ULK4: variants seen among roughly 807,000 people sequenced by gnomAD.
ULK4 encodes the protein inactive serine/threonine-protein kinase ULK4.
A neutral mutation model predicts 160.6 loss-of-function variants in ULK4; 133 were observed. The ratio of observed to expected loss-of-function variants is 0.83; its 90% CI spans 0.72 to 0.96. The LOEUF (loss-of-function observed/expected upper bound fraction) is 0.96, where lower values mean the gene tolerates loss of function less well. Among genes scored for constraint, ULK4 ranks in the 40% least tolerant of loss-of-function variants. The probability of loss-of-function intolerance (pLI) is 0.00; values close to 1 mark genes in which losing one functional copy is unlikely to be tolerated. For missense variants in ULK4, 1,580 were observed against 1,499.5 expected, an observed-to-expected ratio of 1.05 and a Z score of -0.89; for synonymous variants, 534 against 539.8, an observed-to-expected ratio of 0.99 and a Z score of 0.15.
At chr3:41,735,937 C>T (rs1217640116) in intron 22 of ULK4, among the ~76,000 whole-genome samples, 13 of 145,216 alleles carry the variant, frequency 9.0e-5, no homozygotes, top group East Asian at 4.1e-4. Context: ...TGAGAATATG[C>T]GGTGTTTGGT....
intron 32 of ULK4, among the ~76,000 whole-genome samples, chr3:41,547,304 G>C (rs1317443626): frequency 1.3e-5 from 2 of 152,208 alleles, no homozygotes; most frequent in African/African-American, 4.8e-5. Flanking sequence ...GACCAAAACA[G>C]TAAGGAGATA....
rs67078043 is a variant in ULK4 at position 41,721,279 on chromosome 3, T to TTTTTTTTTTTTTTTTTTTTTTG, written c.2322-3419_2322-3418insCAAAAAAAAAAAAAAAAAAAAA. ...AATTTTTTTTTTTTTTTTTTTTTTT[T>TTTTTTTTTTTTTTTTTTTTTTG]TTTTTGGGTTTTGAACCATGAGTAT... is the stretch of plus-strand genomic sequence containing the variant. On this transcript the variant is annotated intron_variant, in intron 22 of 36. Coordinates refer to ENST00000301831, the MANE Select transcript of ULK4 (RefSeq NM_017886.4). Among the ~76,000 whole-genome samples, 4 of 98,922 alleles carry TTTTTTTTTTTTTTTTTTTTTTG rather than the reference T, an allele frequency of 4.0e-5. 1 individual carries two copies. The highest frequency in any genetic ancestry group is 1.7e-4 in the African/African-American group (4 of 22,876). The allele number at this position is 98,922 out of a possible 152,430, so 64.9% of individuals were successfully genotyped here. A position where few individuals can be genotyped will look rare whatever the true frequency, so the allele number is the denominator to read the frequency against.
intron 32 of ULK4, among the ~76,000 whole-genome samples, chr3:41,520,599 T>C (rs944067794): frequency 9.8e-5 from 15 of 152,334 alleles, no homozygotes; most frequent in Middle Eastern, 3.4e-3. Flanking sequence ...CTCAATCATA[T>C]GTAATTCCTT....
intron 35 of ULK4, among the ~76,000 whole-genome samples, chr3:41,293,467 C>A (rs1187940739): frequency 1.3e-5 from 2 of 152,126 alleles, no homozygotes; most frequent in African/African-American, 2.4e-5. Flanking sequence ...CATGATACAA[C>A]CTCACTCTCA....
At chr3:41,344,279 A>C (rs1306075850) in intron 35 of ULK4, among the ~76,000 whole-genome samples, 1 of 152,260 alleles carries the variant, frequency 6.6e-6, no homozygotes, top group East Asian at 1.9e-4. Context: ...CTACATATAC[A>C]GAAAATTAAA....
intron 32 of ULK4, among the ~76,000 whole-genome samples, chr3:41,498,253 TA>T (rs1442158677): frequency 7.9e-5 from 12 of 152,194 alleles, no homozygotes; most frequent in Non-Finnish European, 1.5e-5. Context: ...ATAAAGTATC[TA>T]GAAAATCCTC....
intron 31 of ULK4, among the ~76,000 whole-genome samples, chr3:41,600,040 T>C (rs1049051892): frequency 6.6e-6 from 1 of 152,190 alleles, no homozygotes; most frequent in Non-Finnish European, 1.5e-5. Context: ...CTTAGGTGGA[T>C]CTTTCTAAAT....
intron 35 of ULK4, among the ~76,000 whole-genome samples, chr3:41,382,943 T>TA (rs2081701887): frequency 6.6e-6 from 1 of 152,196 alleles, no homozygotes. Context: ...ATTCATTTCT[T>TA]AAAATTAATA....
At chr3:41,459,988 C>T (rs117388828) in intron 33 of ULK4, among the ~76,000 whole-genome samples, 362 of 152,182 alleles carry the variant, frequency 2.4e-3, no homozygotes, top group East Asian at 0.014. Context: ...AAATCTCATC[C>T]GCATTCAACA....
At chr3:41,292,812 T>A (rs1019509442) in intron 35 of ULK4, among the ~76,000 whole-genome samples, 1 of 151,548 alleles carries the variant, frequency 6.6e-6, no homozygotes, top group Admixed American at 6.6e-5. Context: ...GGTGTGGTGG[T>A]GCATGTCTGT....
intron 17 of ULK4, among the ~76,000 whole-genome samples, chr3:41,853,254 T>G (rs1025425179): frequency 6.6e-6 from 1 of 152,198 alleles, no homozygotes; most frequent in Non-Finnish European, 1.5e-5. Context: ...ATGCTCATGC[T>G]GCTGGTCTAG....
intron 30 of ULK4, among the ~76,000 whole-genome samples, chr3:41,619,041 A>G (rs999711934): frequency 6.6e-6 from 1 of 152,166 alleles, no homozygotes; most frequent in Non-Finnish European, 1.5e-5. Flanking sequence ...GAAGGGCATT[A>G]CATAATGGTA....
chr3:41,306,511 C>A (rs1206061414), intron 35 of ULK4, among the ~76,000 whole-genome samples: 1 of 148,556 alleles, frequency 6.7e-6, no homozygotes, highest in African/African-American at 2.5e-5. Context: ...CCGCCCCATC[C>A]GGGAGGGAGG....
intron 20 of ULK4, among the ~76,000 whole-genome samples, chr3:41,795,856 T>C (rs886358045): frequency 2.0e-5 from 3 of 152,156 alleles, no homozygotes; most frequent in African/African-American, 7.2e-5. Context: ...GCCTGGATTA[T>C]GGAAGTAGCC....
Position 41,703,628 on chromosome 3 carries a change from A to C in ULK4, c.2781+1429T>G, listed in dbSNP as rs553028244. On this transcript the variant is annotated intron_variant, in intron 27 of 36. Coordinates refer to ENST00000301831, the MANE Select transcript of ULK4 (RefSeq NM_017886.4). ...GGAATACAAAATAGACCCAAAGAAA[A>C]AGAAAGGAAATAAAAATAATTACAA... 1.1e-4 allele frequency among the ~76,000 whole-genome samples: 16 copies of C among 152,254 alleles called. No individual in the cohort carries two copies. In the East Asian group the frequency reaches 2.9e-3, roughly 28 times the overall value.
chr3:41,654,630 A>AT (rs2034863507), intron 30 of ULK4, among the ~76,000 whole-genome samples: 1 of 152,200 alleles, frequency 6.6e-6, no homozygotes, highest in Admixed American at 6.5e-5. Context: ...CAAGAGACTG[A>AT]TAAAAGAAGC....
chr3:41,593,456 C>T (rs972017827), intron 31 of ULK4, among the ~76,000 whole-genome samples: 2 of 152,082 alleles, frequency 1.3e-5, no homozygotes, highest in African/African-American at 4.8e-5. Context: ...GAAATCTGAA[C>T]CATGTTGCAG....
At chr3:41,415,551 A>G (rs1442814229) in intron 34 of ULK4, among the ~76,000 whole-genome samples, 2 of 152,078 alleles carry the variant, frequency 1.3e-5, no homozygotes, top group Admixed American at 6.5e-5. Flanking sequence ...TGCATCTGCA[A>G]TCTCCTCTGC....
At chr3:41,855,776 TTC>T (rs1436818991) in intron 17 of ULK4, among the ~76,000 whole-genome samples, 1 of 152,204 alleles carries the variant, frequency 6.6e-6, no homozygotes, top group East Asian at 1.9e-4. Flanking sequence ...CCATCTCTAA[TTC>T]TGTTTCCATG....
Sources: gnomAD v4.1 joint callset for allele counts (sites outside exome capture counted in the v4.1 genomes callset) on GRCh38, gnomAD v4.1.1 for gene constraint, MANE v1.5 for transcripts, NCBI Gene and HGNC (gene_info 2026-07-23, HGNC 2026-07-21) for gene names.